Variants in PCDHGB3 observed in about 807,000 individuals in gnomAD.
PCDHGB3 encodes the protein protocadherin gamma subfamily B, 3.
In PCDHGB3, 40 loss-of-function variants were observed where a neutral mutation model predicts 59.2. That is an observed-to-expected ratio of 0.68 (90% confidence interval 0.52 to 0.88). The LOEUF (loss-of-function observed/expected upper bound fraction) is 0.88, where lower values mean the gene tolerates loss of function less well. Ranked by LOEUF, PCDHGB3 falls within the 40% of genes least tolerant of loss-of-function variation. The pLI is 0.00. For missense variants in PCDHGB3, 1,309 were observed against 1,187.9 expected (o/e 1.10, Z -1.50); for synonymous variants, 581 against 503.6 (o/e 1.15, Z -2.06).
At chr5:141,421,080 C>CA (rs2096545590) in intron 1 of PCDHGB3, 1 of 638,250 alleles carries the variant, frequency 1.6e-6, no homozygotes, top group East Asian at 2.9e-5. Context: ...GATGGATACT[C>CA]ACAGATCCTG....
At chr5:141,383,469 G>A (rs1779161077) in intron 1 of PCDHGB3, 1 of 1,613,786 alleles carries the variant, frequency 6.2e-7, no homozygotes, top group South Asian at 1.1e-5. Flanking sequence ...ATGAAACTAA[G>A]TACCCGGAAC....
In PCDHGB3 at chr5:141,417,067, A is replaced by G. The variant is rs1008801110; in HGVS notation, c.2415+44258A>G. The stretch of plus-strand genomic sequence containing the variant: ...AAAAACTGCTCTTGACATTGTAGCT[A>G]TTGTGAGAAAATATTTTGATTATAA... On this transcript the variant is annotated intron_variant, in intron 1 of 3. Coordinates refer to ENST00000576222, the MANE Select transcript of PCDHGB3 (RefSeq NM_018924.5). 2.0e-5 allele frequency: 3 copies of G among 152,102 alleles called. No homozygotes were observed. The South Asian group carries it at 6.2e-4, about 31-fold the overall frequency. 9.4% of individuals were successfully genotyped at this position (152,102 alleles called of 1,614,324 possible).
intron 2 of PCDHGB3, among the ~76,000 whole-genome samples, chr5:141,495,175 C>A (rs1337353259): frequency 6.6e-6 from 1 of 152,300 alleles, no homozygotes; most frequent in Middle Eastern, 3.4e-3. Flanking sequence ...TGGGTGAAAG[C>A]GAGGCTTTCT....
chr5:141,393,263 A>C, intron 1 of PCDHGB3: 1 of 1,613,926 alleles, frequency 6.2e-7, no homozygotes, highest in Non-Finnish European at 8.5e-7. Flanking sequence ...TTCCTGGAGC[A>C]CGTTATCCAC....
chr5:141,420,191 CAAGAT>C, intron 1 of PCDHGB3: 1 of 1,613,720 alleles, frequency 6.2e-7, no homozygotes, highest in Non-Finnish European at 8.5e-7. Context: ...TCCAGCCACA[CAAGAT>C]AACCTCAACA....
At chr5:141,414,242 T>TA in intron 1 of PCDHGB3, 2 of 1,613,538 alleles carry the variant, frequency 1.2e-6, no homozygotes, top group Non-Finnish European at 1.7e-6. Context: ...ATCACGTCTC[T>TA]ATTTAGTCCA....
chr5:141,469,376 A>T (rs572466149), intron 1 of PCDHGB3, among the ~76,000 whole-genome samples: 1 of 152,232 alleles, frequency 6.6e-6, no homozygotes, highest in East Asian at 1.9e-4. Flanking sequence ...AGAGATCGAG[A>T]CCATCCTGGC....
Position 141,432,036 on chromosome 5 carries a change from AC to A in PCDHGB3, c.2415+59229del, listed in dbSNP as rs1419691535. The A allele has an allele frequency of 6.2e-7, 1 of 1,614,218 alleles. No individual in the cohort carries two copies. The highest frequency in any genetic ancestry group is 1.3e-5 in the African/African-American group (1 of 75,048). On this transcript the variant is annotated intron_variant, in intron 1 of 3. Coordinates refer to ENST00000576222, the MANE Select transcript of PCDHGB3 (RefSeq NM_018924.5). This position sits in a 1 kb window ranked among gnomAD's most constrained non-coding sequence, Gnocchi z 6.0. ...TACAACATCACAGTGACCGCCACTG[AC>A]CGGGGAACCCCGCCCCTATCCACGG...
chr5:141,390,207 C>G (rs1359982168), intron 1 of PCDHGB3: 5 of 1,614,028 alleles, frequency 3.1e-6, no homozygotes, highest in African/African-American at 1.3e-5. Flanking sequence ...GAGTTCAGGA[C>G]AAGACATACT....
In PCDHGB3 at chr5:141,393,936, G is replaced by A. The variant is rs766829273; in HGVS notation, c.2415+21127G>A. On this transcript the variant is annotated intron_variant, in intron 1 of 3. Transcript: ENST00000576222. ...TGCCTTCTTGAGTGTGCATGACCAA[G>A]ACTCTGGAAAGAATGGTCAAGTTGT... 3 of 1,613,922 alleles carry A rather than the reference G, an allele frequency of 1.9e-6. No homozygotes were observed. In the Admixed American group the frequency reaches 5.0e-5, roughly 27 times the overall value.
chr5:141,486,083 C>T lies in PCDHGB3; in HGVS notation c.2416-8724C>T, dbSNP rs367657659. On this transcript the variant is annotated intron_variant, in intron 1 of 3. Coordinates refer to ENST00000576222, the MANE Select transcript of PCDHGB3 (RefSeq NM_018924.5). This position sits in a 1 kb window ranked among gnomAD's most constrained non-coding sequence, Gnocchi z 5.0. ...GCACCCCACTACTGGAAAGCTTACTCTTTTGGGGCCCCTAGACTTTGAGAG... is the reference window on the plus strand; with the variant it reads ...GCACCCCACTACTGGAAAGCTTACTTTTTTGGGGCCCCTAGACTTTGAGAG... The T allele has an allele frequency of 1.2e-6, 2 of 1,614,062 alleles. No individual in the cohort carries two copies. Among genetic ancestry groups the T allele is most frequent in the Non-Finnish European group, 1.7e-6 (2 of 1,180,040 alleles).
At chr5:141,502,660 A>T (rs1423714257) in intron 2 of PCDHGB3, among the ~76,000 whole-genome samples, 2 of 152,208 alleles carry the variant, frequency 1.3e-5, no homozygotes, top group African/African-American at 4.8e-5. Flanking sequence ...GCAACCCTTC[A>T]TGCAATTTTA....
rs2099383865 is a variant in PCDHGB3, at chr5:141,476,005, A to G, written c.2416-18802A>G. 1 of 1,267,576 alleles carries G rather than the reference A, an allele frequency of 7.9e-7. No homozygotes were observed. Among genetic ancestry groups the G allele is most frequent in the East Asian group, 2.3e-5 (1 of 42,864 alleles). 78.5% of individuals were successfully genotyped at this position (1,267,576 alleles called of 1,614,324 possible). A position where few individuals can be genotyped will look rare whatever the true frequency, so the allele number is the denominator to read the frequency against. ...CGGCGAGCAAATCAACGGCATCCAG[A>G]AAGCCATGTCGGACTCGGCGCCCAG... On this transcript the variant is annotated intron_variant, in intron 1 of 3. Coordinates refer to ENST00000576222, the MANE Select transcript of PCDHGB3 (RefSeq NM_018924.5). This position sits in a 1 kb window ranked among gnomAD's most constrained non-coding sequence, Gnocchi z 7.6.
chr5:141,491,945 C>T lies in PCDHGB3; in HGVS notation c.2416-2862C>T. ...GAGGGGAGGTGGGACCGACCCCCAC[C>T]CCTACACTCAAAAAAGGCCGGGGCC... On this transcript the variant is annotated intron_variant, in intron 1 of 3. Coordinates refer to ENST00000576222, the MANE Select transcript of PCDHGB3 (RefSeq NM_018924.5). The surrounding 1 kb of genome is among the most constrained non-coding windows in gnomAD (Gnocchi z 6.9). 1.8e-6 allele frequency: 2 copies of T among 1,116,616 alleles called. No individual in the cohort carries two copies. 69.2% of individuals were successfully genotyped at this position (1,116,616 alleles called of 1,614,324 possible). A position where few individuals can be genotyped will look rare whatever the true frequency, so the allele number is the denominator to read the frequency against.
chr5:141,374,656 C>G (rs775346091), intron 1 of PCDHGB3: 1 of 1,612,056 alleles, frequency 6.2e-7, no homozygotes, highest in Non-Finnish European at 8.5e-7. Context: ...GGCCCAAGTA[C>G]CCGGAGCTGG....
chr5:141,505,418 A>T lies in PCDHGB3; in HGVS notation c.2500A>T (p.Thr834Ser). 1 of 1,614,186 alleles carries T rather than the reference A, an allele frequency of 6.2e-7. No homozygotes were observed. Among genetic ancestry groups the T allele is most frequent in the East Asian group, 2.2e-5 (1 of 44,876 alleles). The change falls in exon 3 of 4, where the codon ACC becomes TCC. Residue 834 changes from threonine to serine, a missense_variant. By Grantham distance (58) the Thr-to-Ser change is moderately conservative. Coordinates refer to ENST00000576222, the MANE Select transcript of PCDHGB3 (RefSeq NM_018924.5). ...SGSQNGDDTG[T>S]WPNNQFDTEM... ...CTCCCAAAATGGCGATGACACCGGC[A>T]CCTGGCCCAACAACCAGTTTGACAC...
chr5:141,374,390 C>T, intron 1 of PCDHGB3: 2 of 1,614,024 alleles, frequency 1.2e-6, no homozygotes, highest in Non-Finnish European at 1.7e-6. Flanking sequence ...CCCGCGGTGT[C>T]TGGTGAGTTT....
intron 1 of PCDHGB3, chr5:141,378,418 G>T (rs1018299998): frequency 6.6e-6 from 1 of 152,330 alleles, no homozygotes; most frequent in African/African-American, 2.4e-5. Flanking sequence ...AGCTACTCGG[G>T]AGGCTGAGGC....
chr5:141,394,263 A>T, intron 1 of PCDHGB3: 1 of 1,613,884 alleles, frequency 6.2e-7, no homozygotes, highest in Non-Finnish European at 8.5e-7. Flanking sequence ...CAGCCAGGAG[A>T]ATGCCCAGGT....
Sources: allele counts gnomAD v4.1 joint callset (sites outside exome capture counted in the v4.1 genomes callset), GRCh38; gene constraint gnomAD v4.1.1; non-coding constraint Gnocchi (gnomAD v3.1); transcripts MANE v1.5; gene names NCBI Gene and HGNC (gene_info 2026-07-23, HGNC 2026-07-21).